Variants in ANK2 observed in about 807,000 individuals in gnomAD.
ANK2 encodes ankyrin 2.
Under a neutral mutation model 360.5 loss-of-function variants are expected in ANK2, and 83 were observed. The ratio of observed to expected loss-of-function variants is 0.23; its 90% CI spans 0.19 to 0.28. The LOEUF is 0.28. ANK2 is among the 10% of genes least tolerant of loss of function. ANK2 has a pLI of 1.00. For synonymous variants in ANK2, 1,740 were observed against 1,759.5 expected, an observed-to-expected ratio of 0.99 and a Z score of 0.28; for missense variants, 4,201 against 4,795.7, an observed-to-expected ratio of 0.88 and a Z score of 3.66.
chr4:113,132,273 A>G (rs2096091343), intron 1 of ANK2, among the ~76,000 whole-genome samples: 1 of 152,150 alleles, frequency 6.6e-6, no homozygotes, highest in Non-Finnish European at 1.5e-5. Context: ...AGATGTATTT[A>G]TCAAAATGCA....
At chr4:113,158,110 G>T (rs949205503) in intron 1 of ANK2, among the ~76,000 whole-genome samples, 1 of 152,114 alleles carries the variant, frequency 6.6e-6, no homozygotes, top group Admixed American at 6.5e-5. Context: ...TGACTTAAAA[G>T]AAAAAGCAAG....
chr4:113,126,907 A>G (rs1271232982), intron 1 of ANK2, among the ~76,000 whole-genome samples: 6 of 152,232 alleles, frequency 3.9e-5, no homozygotes, highest in Non-Finnish European at 1.5e-5. Flanking sequence ...AAACTTGATG[A>G]TTAAGACTAA....
intron 15 of ANK2, among the ~76,000 whole-genome samples, chr4:113,276,565 T>C (rs1481053105): frequency 6.6e-6 from 1 of 152,134 alleles, no homozygotes; most frequent in Non-Finnish European, 1.5e-5. Flanking sequence ...ACCCTAATCA[T>C]TGTGTGCATT....
chr4:112,767,502 A>G, the ANK2 span, among the ~76,000 whole-genome samples: 1 of 152,064 alleles, frequency 6.6e-6, no homozygotes, highest in East Asian at 1.9e-4. Context: ...TCAAGGTTGC[A>G]GTGAGCTGAG....
chr4:113,185,071 T>C (rs1212722092), intron 2 of ANK2, among the ~76,000 whole-genome samples: 1 of 152,214 alleles, frequency 6.6e-6, no homozygotes, highest in East Asian at 1.9e-4. Context: ...TTCCATGGTG[T>C]ATATGTGCCA....
intron 2 of ANK2, among the ~76,000 whole-genome samples, chr4:113,043,055 A>G (rs967675669): frequency 2.0e-5 from 3 of 152,156 alleles, no homozygotes; most frequent in African/African-American, 7.2e-5. Flanking sequence ...GGTCCAGCAT[A>G]TAGTAGTCAG....
intron 2 of ANK2, among the ~76,000 whole-genome samples, chr4:113,022,143 T>G (rs965873358): frequency 1.3e-5 from 2 of 152,166 alleles, no homozygotes; most frequent in African/African-American, 4.8e-5. Flanking sequence ...TAGGGCAAAT[T>G]ATCAATTTGT....
intron 2 of ANK2, among the ~76,000 whole-genome samples, chr4:112,945,586 A>G (rs1395572665): frequency 6.6e-6 from 1 of 152,180 alleles, no homozygotes; most frequent in Non-Finnish European, 1.5e-5. Context: ...AAAAGAGTCT[A>G]TTAATTCCAC....
At chr4:113,022,049 T>C (rs1028714682) in intron 2 of ANK2, among the ~76,000 whole-genome samples, 5 of 152,088 alleles carry the variant, frequency 3.3e-5, no homozygotes, top group African/African-American at 1.2e-4. Flanking sequence ...ACATAAAAAT[T>C]TGGGGATTCT....
chr4:112,778,490 T>C, the ANK2 span, among the ~76,000 whole-genome samples: 15 of 152,156 alleles, frequency 9.9e-5, no homozygotes, highest in African/African-American at 2.2e-4. Flanking sequence ...TGACTTCTAA[T>C]TAACTATCAT....
At chr4:113,281,720 C>T (rs1025677483) in intron 17 of ANK2, among the ~76,000 whole-genome samples, 9 of 152,128 alleles carry the variant, frequency 5.9e-5, no homozygotes, top group Non-Finnish European at 1.5e-5. Context: ...ATATATGTTG[C>T]AGACTTACAG....
chr4:113,058,725 A>C (rs536098726), intron 1 of ANK2, among the ~76,000 whole-genome samples: 5 of 152,276 alleles, frequency 3.3e-5, no homozygotes, highest in Admixed American at 6.5e-5. Flanking sequence ...ATAATTTAAA[A>C]TGAAAATCAG....
intron 20 of ANK2, among the ~76,000 whole-genome samples, chr4:113,289,976 A>G (rs2153735703): frequency 6.6e-6 from 1 of 152,316 alleles, no homozygotes; most frequent in South Asian, 2.1e-4. Context: ...CAAATGCAAC[A>G]GTACAGTGAG....
Position 113,255,908 on chromosome 4 carries a change from A to G in ANK2, c.1164A>G (p.Arg388=). 6.2e-7 allele frequency: 1 copy of G among 1,614,234 alleles called. No homozygotes were observed. The highest frequency in any genetic ancestry group is 8.5e-7 in the Non-Finnish European group (1 of 1,180,046). ...YRVTKLLLDK[R]ANPNARALNG... ...TAACCAAACTCCTTTTAGACAAGAG[A>G]GCCAATCCGAACGCCAGAGCCCTGG... The change falls in exon 11 of 46, where the codon AGA becomes AGG. Residue 388 remains arginine, a synonymous_variant. Coordinates refer to ENST00000357077, the MANE Select transcript of ANK2 (RefSeq NM_001148.6).
intron 1 of ANK2, among the ~76,000 whole-genome samples, chr4:113,087,107 A>T (rs1368551857): frequency 6.6e-6 from 1 of 152,244 alleles, no homozygotes; most frequent in Non-Finnish European, 1.5e-5. Flanking sequence ...TGCCATTATA[A>T]AGAAAGGAGT....
chr4:113,210,688 AG>A (rs2099011471), intron 4 of ANK2, among the ~76,000 whole-genome samples: 1 of 152,198 alleles, frequency 6.6e-6, no homozygotes, highest in African/African-American at 2.4e-5. Context: ...AGTTTTTGTG[AG>A]GGTTGAAAGA....
chr4:112,728,017 G>A, the ANK2 span, among the ~76,000 whole-genome samples: 3,012 of 150,980 alleles, frequency 0.02, 114 homozygotes, highest in African/African-American at 0.07. Flanking sequence ...AGAATTGGCC[G>A]GGTGCGGTGG....
At chr4:113,254,477 G>A (rs1243601355) in intron 10 of ANK2, among the ~76,000 whole-genome samples, 2 of 152,152 alleles carry the variant, frequency 1.3e-5, no homozygotes, top group Non-Finnish European at 2.9e-5. Flanking sequence ...AAAGAAACAT[G>A]CAACACTCCA....
At chr4:113,041,264 G>T (rs2062873830) in intron 2 of ANK2, among the ~76,000 whole-genome samples, 2 of 151,974 alleles carry the variant, frequency 1.3e-5, no homozygotes, top group African/African-American at 4.8e-5. Flanking sequence ...ATGGCCTGTT[G>T]AGCTCTTCAC....
Sources: gnomAD v4.1 joint callset for allele counts (sites outside exome capture counted in the v4.1 genomes callset) on GRCh38, gnomAD v4.1.1 for gene constraint, MANE v1.5 for transcripts, NCBI Gene and HGNC (gene_info 2026-07-23, HGNC 2026-07-21) for gene names.